The following LITAF variants were observed in gnomAD, a reference collection of about 807,000 sequenced individuals.
LITAF encodes the protein lipopolysaccharide induced TNF factor.
In LITAF, 9 loss-of-function variants were observed where a neutral mutation model predicts 14.5. The observed-to-expected ratio is 0.62, with a 90% CI of 0.37 to 1.08. The LOEUF (loss-of-function observed/expected upper bound fraction) is 1.08, where lower values mean the gene tolerates loss of function less well. Among genes scored for constraint, LITAF ranks in the 50% least tolerant of loss-of-function variants. The pLI, the probability that LITAF is intolerant of heterozygous loss-of-function variation, is 0.01. For synonymous variants in LITAF, 98 were observed against 88.2 expected (o/e 1.11, Z -0.62); for missense variants, 206 against 213.4 (o/e 0.97, Z 0.22).
upstream of LITAF, among the ~76,000 whole-genome samples, chr16:11,638,977 G>A (rs1287018550): frequency 1.3e-5 from 2 of 151,920 alleles, no homozygotes; most frequent in African/African-American, 4.8e-5. Flanking sequence ...GGGTACTGAC[G>A]TCAACAACTT....
Position 11,553,747 on chromosome 16 carries a change from C to T in LITAF, c.221-58G>A. On this transcript the variant is annotated intron_variant, in intron 2 of 3. Transcript: ENST00000622633. The surrounding 1 kb of genome is among the most constrained non-coding windows in gnomAD (Gnocchi z 7.7). Reference sequence around the variant, plus strand: ...CTCAGGAAACAAGGCCAATAGCATTCACTACAGGACAAAGAGAGGAACGCA... The same window carrying T: ...CTCAGGAAACAAGGCCAATAGCATTTACTACAGGACAAAGAGAGGAACGCA... The T allele has an allele frequency of 6.3e-7, 1 of 1,586,482 alleles. No individual in the cohort carries two copies. The highest frequency in any genetic ancestry group is 8.6e-7 in the Non-Finnish European group (1 of 1,156,528).
chr16:11,561,956 T>C (rs1340685995), intron 1 of LITAF, among the ~76,000 whole-genome samples: 1 of 151,846 alleles, frequency 6.6e-6, no homozygotes, highest in African/African-American at 2.4e-5. Flanking sequence ...TCTCACTCTA[T>C]TGCCCAGGCT....
At chr16:11,615,535 C>G (rs1363222262) in intron 3 of LITAF, among the ~76,000 whole-genome samples, 1 of 151,350 alleles carries the variant, frequency 6.6e-6, no homozygotes, top group Non-Finnish European at 1.5e-5. Context: ...GAAACTCCGT[C>G]TCAATAAATA....
intron 3 of LITAF, among the ~76,000 whole-genome samples, chr16:11,616,446 C>T (rs2065020282): frequency 6.6e-6 from 1 of 151,122 alleles, no homozygotes; most frequent in South Asian, 2.1e-4. Context: ...CACTGCACTC[C>T]AGCCATGGGT....
intron 3 of LITAF, among the ~76,000 whole-genome samples, chr16:11,622,764 C>G (rs939278979): frequency 5.3e-5 from 8 of 152,042 alleles, no homozygotes; most frequent in African/African-American, 1.9e-4. Context: ...CCTAAACCCA[C>G]CCATGCCTGC....
intron 1 of LITAF, among the ~76,000 whole-genome samples, chr16:11,597,124 T>G (rs932531112): frequency 6.6e-6 from 1 of 152,072 alleles, no homozygotes; most frequent in East Asian, 1.9e-4. Context: ...CCAGGCACCA[T>G]TTCAGGAGCT....
chr16:11,600,810 G>T (rs1219581108), upstream of LITAF, among the ~76,000 whole-genome samples: 1 of 152,102 alleles, frequency 6.6e-6, no homozygotes, highest in Non-Finnish European at 1.5e-5. The surrounding 1 kb of genome is among the most constrained non-coding windows in gnomAD (Gnocchi z 4.1). Context: ...TCCGCTGAAA[G>T]CCGTTTTCAT....
At chr16:11,557,444 G>C (rs1389470515) in intron 1 of LITAF, among the ~76,000 whole-genome samples, 5 of 151,944 alleles carry the variant, frequency 3.3e-5, no homozygotes, top group African/African-American at 1.2e-4. Flanking sequence ...GTGTGTTATA[G>C]TTTTGTTTTT....
In LITAF at chr16:11,634,261, C is replaced by A. The variant is rs1280445695; in HGVS notation, c.-20-624G>T. On this transcript the variant is annotated intron_variant, in intron 2 of 3. Transcript: ENST00000574848. This position sits in a 1 kb window ranked among gnomAD's most constrained non-coding sequence, Gnocchi z 4.1. ...CACCTCCAAACTGCTCTTCATCATTCCTGGACTTGGGCCAAACTAACTCTG... is the reference window on the plus strand; with the variant it reads ...CACCTCCAAACTGCTCTTCATCATTACTGGACTTGGGCCAAACTAACTCTG... Among the ~76,000 whole-genome samples, 1 of 152,194 alleles carries A rather than the reference C, an allele frequency of 6.6e-6. No individual in the cohort carries two copies. Among genetic ancestry groups the A allele is most frequent in the Non-Finnish European group, 1.5e-5 (1 of 68,038 alleles).
chr16:11,583,418 T>A (rs2064767852), intron 1 of LITAF, among the ~76,000 whole-genome samples: 1 of 152,152 alleles, frequency 6.6e-6, no homozygotes, highest in Admixed American at 6.5e-5. Flanking sequence ...TGAATCACAG[T>A]TTTTCATCAA....
intron 1 of LITAF, among the ~76,000 whole-genome samples, chr16:11,577,872 G>C (rs945174635): frequency 6.6e-6 from 1 of 151,294 alleles, no homozygotes; most frequent in African/African-American, 2.5e-5. Flanking sequence ...CTGCAGGTGT[G>C]CATCAACAAG....
intron 1 of LITAF, among the ~76,000 whole-genome samples, chr16:11,581,962 G>A (rs1056946980): frequency 1.3e-5 from 2 of 152,122 alleles, no homozygotes. Flanking sequence ...GCTAGAGAGA[G>A]GTTGGTTGAT....
intron 1 of LITAF, among the ~76,000 whole-genome samples, chr16:11,585,865 C>T (rs751161346): frequency 1.3e-5 from 2 of 152,186 alleles, no homozygotes; most frequent in Non-Finnish European, 2.9e-5. Flanking sequence ...GACCACTGCT[C>T]AGTCCAACAG....
At chr16:11,573,022 A>C (rs537966326) in intron 1 of LITAF, among the ~76,000 whole-genome samples, 6 of 149,772 alleles carry the variant, frequency 4.0e-5, no homozygotes, top group African/African-American at 1.5e-4. Context: ...TCCGCCTCCC[A>C]GGTTCAAGCA....
At chr16:11,637,960 A>C (rs1461483570), upstream of LITAF, among the ~76,000 whole-genome samples, 38 of 52,774 alleles carry the variant, frequency 7.2e-4, 12 homozygotes, top group Middle Eastern at 6.6e-3. Flanking sequence ...ATATATCTAT[A>C]TATATCTATA....
Position 11,585,961 on chromosome 16 carries a change from A to G in LITAF, c.-6+925T>C, listed in dbSNP as rs1271585366. 2.0e-5 allele frequency among the ~76,000 whole-genome samples: 3 copies of G among 152,224 alleles called. No individual in the cohort carries two copies. The South Asian group carries it at 6.2e-4, about 31-fold the overall frequency. ...TCCCTGAAGCATGACTGGCCCTTCC[A>G]GAACATACACCTTTCCCCTATCACC... is the stretch of plus-strand genomic sequence containing the variant. On this transcript the variant is annotated intron_variant, in intron 1 of 3. Transcript: ENST00000622633.
chr16:11,572,805 G>A (rs1006937751), intron 1 of LITAF, among the ~76,000 whole-genome samples: 1 of 152,210 alleles, frequency 6.6e-6, no homozygotes, highest in Non-Finnish European at 1.5e-5. Flanking sequence ...CTGGAGTTTG[G>A]TAAACAGTAA....
intron 1 of LITAF, 136 bp from the exon 2 acceptor site, chr16:11,556,871 T>C: frequency 1.3e-6 from 1 of 787,520 alleles, no homozygotes; most frequent in Non-Finnish European, 2.2e-6. Flanking sequence ...GTCCAAAAGC[T>C]AGGAAGAGGG....
intron 3 of LITAF, among the ~76,000 whole-genome samples, chr16:11,552,420 G>C (rs999523781): frequency 6.6e-6 from 1 of 152,184 alleles, no homozygotes; most frequent in African/African-American, 2.4e-5. Context: ...AAAATACTTC[G>C]GGTCATAAAA....
Sources: gnomAD v4.1 joint callset for allele counts (sites outside exome capture counted in the v4.1 genomes callset) on GRCh38, gnomAD v4.1.1 for gene constraint, Gnocchi (gnomAD v3.1) non-coding constraint, MANE v1.5 for transcripts, NCBI Gene and HGNC (gene_info 2026-07-23, HGNC 2026-07-21) for gene names.